Variants in CEP128 observed in about 807,000 individuals in gnomAD.
CEP128 encodes centrosomal protein 128, also known as centrosomal protein 128kDa.
A neutral mutation model predicts 156.7 loss-of-function variants in CEP128; 132 were observed. That is an observed-to-expected ratio of 0.84 (90% CI 0.73 to 0.97). CEP128 has a LOEUF of 0.97. CEP128 is among the 50% of genes least tolerant of loss of function. The probability of loss-of-function intolerance (pLI) is 0.00; values close to 1 mark genes in which losing one functional copy is unlikely to be tolerated. For synonymous variants in CEP128, 469 were observed against 448.9 expected, an observed-to-expected ratio of 1.04 and a Z score of -0.57; for missense variants, 1,252 against 1,281.9, an observed-to-expected ratio of 0.98 and a Z score of 0.36.
At chr14:80,602,901 T>TA (rs1310334953) in intron 19 of CEP128, among the ~76,000 whole-genome samples, 1 of 151,860 alleles carries the variant, frequency 6.6e-6, no homozygotes, top group Non-Finnish European at 1.5e-5. Context: ...GCATAGAAAT[T>TA]AAAAAACATA....
At chr14:80,506,525 T>C (rs972763862) in intron 23 of CEP128, among the ~76,000 whole-genome samples, 1 of 151,726 alleles carries the variant, frequency 6.6e-6, no homozygotes, top group Non-Finnish European at 1.5e-5. Context: ...AGCAGGGTTC[T>C]AGGGAGATGA....
chr14:80,520,431 A>G (rs895648489), intron 23 of CEP128, among the ~76,000 whole-genome samples: 1 of 99,230 alleles, frequency 1.0e-5, no homozygotes, highest in African/African-American at 2.8e-5. Flanking sequence ...AAAACAAACA[A>G]ACAAACAAAC....
chr14:80,734,088 G>A (rs1036081238), intron 19 of CEP128, among the ~76,000 whole-genome samples: 5 of 152,064 alleles, frequency 3.3e-5, no homozygotes, highest in African/African-American at 4.8e-5. Flanking sequence ...TAAAGGTCAG[G>A]CATCACTTTC....
At chr14:80,751,188 A>G (rs555018146) in intron 18 of CEP128, among the ~76,000 whole-genome samples, 1 of 152,342 alleles carries the variant, frequency 6.6e-6, no homozygotes, top group South Asian at 2.1e-4. Context: ...GCCTGAACAG[A>G]TTAATATAAT....
chr14:80,760,729 A>G (rs145597136), intron 17 of CEP128, among the ~76,000 whole-genome samples: 6 of 152,146 alleles, frequency 3.9e-5, no homozygotes, highest in African/African-American at 1.4e-4. Flanking sequence ...GCTTACCTGC[A>G]AGGAATTCAG....
intron 21 of CEP128, among the ~76,000 whole-genome samples, chr14:80,546,054 C>T (rs1385103125): frequency 6.6e-6 from 1 of 152,178 alleles, no homozygotes; most frequent in African/African-American, 2.4e-5. Flanking sequence ...ATTAACATAA[C>T]ACAGAGTGCT....
At chr14:80,958,185 G>A (rs1228719770) in exon 2 of CEP128, 1 of 151,990 alleles carries the variant, frequency 6.6e-6, no homozygotes, top group Non-Finnish European at 1.5e-5. Context: ...TACGGGGGCG[G>A]GGGGTCCTGT....
intron 19 of CEP128, among the ~76,000 whole-genome samples, chr14:80,596,708 G>A (rs962935076): frequency 5.7e-5 from 8 of 141,546 alleles, no homozygotes; most frequent in Non-Finnish European, 1.1e-4. Flanking sequence ...AGCTACTTGG[G>A]AGGCTGAGGC....
Position 80,580,472 on chromosome 14 carries a change from T to C in CEP128, c.2807-49A>G, listed in dbSNP as rs112761393. 3 of 1,149,530 alleles carry C rather than the reference T, an allele frequency of 2.6e-6. No individual in the cohort carries two copies. In the East Asian group the frequency reaches 7.1e-5, roughly 27 times the overall value. The allele number at this position is 1,149,530 out of a possible 1,614,324, so 71.2% of individuals were successfully genotyped here. A position where few individuals can be genotyped will look rare whatever the true frequency, so the allele number is the denominator to read the frequency against. On this transcript the variant is annotated intron_variant, in intron 19 of 24. Transcript: ENST00000555265. ...CATCAAAATACAATGTAAAAACGAG[T>C]TGCCTCTTATCATCAAATGCAATTC...
At chr14:80,955,202 A>G in intron 2 of CEP128, 1 of 263,326 alleles carries the variant, frequency 3.8e-6, no homozygotes, top group East Asian at 8.7e-5. Flanking sequence ...CTTTCTCTGG[A>G]TAAGGAGTGC....
intron 23 of CEP128, among the ~76,000 whole-genome samples, chr14:80,515,827 C>T (rs544000109): frequency 7.2e-5 from 11 of 152,252 alleles, no homozygotes; most frequent in South Asian, 4.2e-4. Flanking sequence ...CACAGGCCTG[C>T]GTCTTACCTA....
At chr14:80,501,108 G>T (rs888601565) in intron 24 of CEP128, among the ~76,000 whole-genome samples, 8 of 151,868 alleles carry the variant, frequency 5.3e-5, no homozygotes, top group African/African-American at 1.9e-4. Context: ...TTTCTGGATA[G>T]AATCTTTCCT....
chr14:80,851,760 T>C (rs1452118464), intron 9 of CEP128, among the ~76,000 whole-genome samples: 1 of 151,874 alleles, frequency 6.6e-6, no homozygotes, highest in African/African-American at 2.4e-5. Flanking sequence ...TTTAACAAAC[T>C]ATAAGGTGTT....
intron 21 of CEP128, among the ~76,000 whole-genome samples, chr14:80,546,960 T>C (rs1890012292): frequency 6.6e-6 from 1 of 152,220 alleles, no homozygotes; most frequent in Non-Finnish European, 1.5e-5. Context: ...GTACTAACAG[T>C]GCTAATAGAA....
chr14:80,794,057 A>G (rs1901859289), intron 13 of CEP128, among the ~76,000 whole-genome samples: 1 of 152,202 alleles, frequency 6.6e-6, no homozygotes. Context: ...TAGTTTCCAA[A>G]TACTTAGTGG....
chr14:80,801,917 A>C (rs1366292203), intron 13 of CEP128, among the ~76,000 whole-genome samples: 1 of 144,124 alleles, frequency 6.9e-6, no homozygotes, highest in Non-Finnish European at 1.5e-5. Context: ...CCCCAAAAAA[A>C]AAAAAAAAAA....
In CEP128 at chr14:80,913,902, T is replaced by C. The variant is rs546228968; in HGVS notation, c.234+420A>G. ...TCATCCATGAAACCAAAAAACCACTTGTTCCACTACAGCAATAGAAATTTT... is the reference window on the plus strand; with the variant it reads ...TCATCCATGAAACCAAAAAACCACTCGTTCCACTACAGCAATAGAAATTTT... On this transcript the variant is annotated intron_variant, in intron 4 of 24. Coordinates refer to ENST00000555265, the MANE Select transcript of CEP128 (RefSeq NM_152446.5). Among the ~76,000 whole-genome samples, 5 of 152,340 alleles carry C rather than the reference T, an allele frequency of 3.3e-5. No homozygotes were observed. In the South Asian group the frequency reaches 1.0e-3, roughly 32 times the overall value.
At chr14:80,502,863 G>A (rs1449628396) in intron 24 of CEP128, among the ~76,000 whole-genome samples, 1 of 152,044 alleles carries the variant, frequency 6.6e-6, no homozygotes, top group African/African-American at 2.4e-5. Flanking sequence ...CTGAAATTTT[G>A]CTACAAAAAA....
chr14:80,479,122 G>T (rs1174342242), intron 14 of CEP128, among the ~76,000 whole-genome samples: 1 of 152,164 alleles, frequency 6.6e-6, no homozygotes, highest in African/African-American at 2.4e-5. Context: ...ATAGAAATAA[G>T]AAAAATGAAG....
Sources: gnomAD v4.1 joint callset for allele counts (sites outside exome capture counted in the v4.1 genomes callset) on GRCh38, gnomAD v4.1.1 for gene constraint, MANE v1.5 for transcripts, NCBI Gene and HGNC (gene_info 2026-07-23, HGNC 2026-07-21) for gene names.